GAN: variants seen among roughly 807,000 people sequenced by gnomAD.
GAN encodes the protein epididymis secretory sperm binding protein.
A neutral mutation model predicts 71.3 loss-of-function variants in GAN; 48 were observed. The observed-to-expected ratio is 0.67, with a 90% CI of 0.53 to 0.86. GAN has a LOEUF of 0.86. GAN is among the 40% of genes least tolerant of loss of function. GAN has a pLI of 0.00. For synonymous variants in GAN, 386 were observed against 276.8 expected, an observed-to-expected ratio of 1.39 and a Z score of -3.92; for missense variants, 928 against 770.1, an observed-to-expected ratio of 1.21 and a Z score of -2.43.
chr16:81,344,351 C>CT (rs1186381130), intron 1 of GAN, among the ~76,000 whole-genome samples: 1 of 152,154 alleles, frequency 6.6e-6, no homozygotes, highest in African/African-American at 2.4e-5. Context: ...AGGCATCACG[C>CT]TACCTGACTT....
At chr16:81,341,417 A>G (rs1467686204) in intron 1 of GAN, among the ~76,000 whole-genome samples, 2 of 152,380 alleles carry the variant, frequency 1.3e-5, no homozygotes, top group Non-Finnish European at 2.9e-5. Context: ...AAGGGAGCCC[A>G]TCAGACTAAC....
At chr16:81,337,879 G>C (rs1909816955) in intron 1 of GAN, among the ~76,000 whole-genome samples, 1 of 152,152 alleles carries the variant, frequency 6.6e-6, no homozygotes, top group African/African-American at 2.4e-5. Context: ...TGATGTGCAA[G>C]AAGTATATTA....
chr16:81,323,474 TC>T (rs1186708830), intron 1 of GAN, among the ~76,000 whole-genome samples: 4 of 152,206 alleles, frequency 2.6e-5, no homozygotes, highest in African/African-American at 2.4e-5. Context: ...TCTTGGGACA[TC>T]CTTAAGAAAT....
intron 1 of GAN, among the ~76,000 whole-genome samples, chr16:81,322,620 T>G (rs1401177521): frequency 6.6e-6 from 1 of 152,260 alleles, no homozygotes. Context: ...CAAAGTTGTT[T>G]ATGTTTTTAA....
chr16:81,363,079 A>C (rs1910732315), intron 6 of GAN, among the ~76,000 whole-genome samples: 1 of 152,244 alleles, frequency 6.6e-6, no homozygotes, highest in East Asian at 1.9e-4. Flanking sequence ...CGTAGGGTTT[A>C]CTACATAAAT....
chr16:81,347,897 C>T (rs1910172732), intron 1 of GAN, among the ~76,000 whole-genome samples: 1 of 151,880 alleles, frequency 6.6e-6, no homozygotes, highest in Non-Finnish European at 1.5e-5. Flanking sequence ...AGAGTACTTC[C>T]TTAATAGTCT....
Position 81,363,614 on chromosome 16 carries a change from CG to C in GAN, c.1087-179del, listed in dbSNP as rs372139985. Among the ~76,000 whole-genome samples the C allele has an allele frequency of 2.7e-3, 410 of 152,318 alleles. 2 individuals carry two copies. Among genetic ancestry groups the C allele is most frequent in the African/African-American group, 9.5e-3 (393 of 41,574 alleles). On this transcript the variant is annotated intron_variant, in intron 6 of 10. Coordinates refer to ENST00000648994, the MANE Select transcript of GAN (RefSeq NM_022041.4). ...TTAATCCAGTCTCCCAGGTACCAAGCGTCGTACCCAATAGTTAGTGTTTCAG... is the reference window on the plus strand; with the variant it reads ...TTAATCCAGTCTCCCAGGTACCAAGCTCGTACCCAATAGTTAGTGTTTCAG...
At chr16:81,354,055 G>A (rs1910400094) in intron 2 of GAN, among the ~76,000 whole-genome samples, 1 of 152,154 alleles carries the variant, frequency 6.6e-6, no homozygotes, top group Non-Finnish European at 1.5e-5. Context: ...CTTTACCATA[G>A]AATGTAGAAC....
At chr16:81,351,958 T>C (rs1377018983) in intron 2 of GAN, among the ~76,000 whole-genome samples, 1 of 152,096 alleles carries the variant, frequency 6.6e-6, no homozygotes, top group African/African-American at 2.4e-5. Flanking sequence ...CCTTCTCATA[T>C]GAGATATTAA....
chr16:81,362,624 T>C lies in GAN; in HGVS notation c.1086+13T>C. ...ACCTATGAACGAGGTAAAACACTAG[T>C]TGGTTGGTTTGTTTGATGTGTTTCT... On this transcript the variant is annotated intron_variant, in intron 6 of 10. Transcript: ENST00000648994. 1 of 1,268,678 alleles carries C rather than the reference T, an allele frequency of 7.9e-7. No individual in the cohort carries two copies. Among genetic ancestry groups the C allele is most frequent in the Non-Finnish European group, 1.2e-6 (1 of 864,352 alleles). 78.6% of individuals were successfully genotyped at this position (1,268,678 alleles called of 1,614,324 possible).
chr16:81,377,321 T>C lies in GAN; in HGVS notation c.1605T>C (p.Leu535=). 1 of 1,590,716 alleles carries C rather than the reference T, an allele frequency of 6.3e-7. No homozygotes were observed. The highest frequency in any genetic ancestry group is 8.6e-7 in the Non-Finnish European group (1 of 1,158,634). The part of the protein sequence containing the change: ...IGASIYVIGD[L]DTGTNYDYVR... The stretch of plus-strand genomic sequence containing the variant: ...CCAGTATTTATGTTATTGGAGATCT[T>C]GATACAGGTAAGAGTGTTACAGTGA... Residue 535 remains leucine, a synonymous_variant, in exon 10 of 11, where the codon CTT becomes CTC. Coordinates refer to ENST00000648994, the MANE Select transcript of GAN (RefSeq NM_022041.4).
intron 1 of GAN, among the ~76,000 whole-genome samples, chr16:81,319,042 G>A (rs1056091156): frequency 1.6e-4 from 25 of 151,958 alleles, no homozygotes; most frequent in African/African-American, 5.6e-4. Context: ...CAGGCTGGGC[G>A]CAGTGGCTCA....
In GAN at chr16:81,354,770, T is replaced by C; in HGVS notation, c.633+15T>C. 3 of 1,426,716 alleles carry C rather than the reference T, an allele frequency of 2.1e-6. No individual in the cohort carries two copies. In the South Asian group the frequency reaches 3.5e-5, roughly 16 times the overall value. The allele number at this position is 1,426,716 out of a possible 1,614,324, so 88.4% of individuals were successfully genotyped here. A position where few individuals can be genotyped will look rare whatever the true frequency, so the allele number is the denominator to read the frequency against. On this transcript the variant is annotated intron_variant, in intron 3 of 10. Coordinates refer to ENST00000648994, the MANE Select transcript of GAN (RefSeq NM_022041.4). ...AAATAAGAAAGGTACCTGTCATTTA[T>C]AACATGGTCAAATTTGCCTTTTTAT...
At chr16:81,333,572 G>T (rs545961775) in intron 1 of GAN, among the ~76,000 whole-genome samples, 3 of 152,298 alleles carry the variant, frequency 2.0e-5, no homozygotes, top group African/African-American at 7.2e-5. Context: ...GAAACATAAT[G>T]CTAGAGGCTT....
intron 1 of GAN, among the ~76,000 whole-genome samples, chr16:81,316,978 C>T (rs906460719): frequency 6.6e-6 from 1 of 152,196 alleles, no homozygotes; most frequent in African/African-American, 2.4e-5. Flanking sequence ...CCTGCCTCAG[C>T]CTCCCGAGTA....
intron 3 of GAN, 138 bp from the exon 4 acceptor site, chr16:81,356,647 G>T: frequency 1.3e-6 from 1 of 751,608 alleles, no homozygotes; most frequent in African/African-American, 1.7e-5. Flanking sequence ...TATTCAAGCA[G>T]CACGAGTGTG....
intron 1 of GAN, among the ~76,000 whole-genome samples, chr16:81,316,398 A>G (rs1235517017): frequency 6.6e-6 from 1 of 151,172 alleles, no homozygotes; most frequent in Non-Finnish European, 1.5e-5. Context: ...CTAAACTTAG[A>G]AGAAATTCAA....
At position 81,380,839 on chromosome 16, in the gene GAN, G is replaced by A. The variant is rs560501095; in HGVS notation, c.*3243G>A. On this transcript the variant is annotated 3_prime_UTR_variant, in exon 11 of 11. Transcript: ENST00000648994. ...CCAACTCGTAGTTGGTATACTGTCA[G>A]GATTTGGCCTAAGAAATTTCTGAAT... The A allele has an allele frequency of 2.0e-5, 3 of 152,304 alleles. No homozygotes were observed. Among genetic ancestry groups the A allele is most frequent in the South Asian group, 4.1e-4 (2 of 4,824 alleles). The allele number at this position is 152,304 out of a possible 1,614,324, so 9.4% of individuals were successfully genotyped here.
In GAN at chr16:81,363,060, T is replaced by C. The variant is rs188433206; in HGVS notation, c.1086+449T>C. The stretch of plus-strand genomic sequence containing the variant: ...TATTTCATTTTCAGCACTAGAATCG[T>C]GCTTGGCACGTAGGGTTTACTACAT... On this transcript the variant is annotated intron_variant, in intron 6 of 10. Coordinates refer to ENST00000648994, the MANE Select transcript of GAN (RefSeq NM_022041.4). Among the ~76,000 whole-genome samples the C allele has an allele frequency of 2.6e-5, 4 of 152,348 alleles. No individual in the cohort carries two copies. In the East Asian group the frequency reaches 7.7e-4, roughly 29 times the overall value.
Sources: allele counts gnomAD v4.1 joint callset (sites outside exome capture counted in the v4.1 genomes callset), GRCh38; gene constraint gnomAD v4.1.1; transcripts MANE v1.5; gene names NCBI Gene and HGNC (gene_info 2026-07-23, HGNC 2026-07-21).